GPR176: variants seen among roughly 807,000 people sequenced by gnomAD.
The protein encoded by GPR176 is G-protein coupled receptor 176.
In GPR176, 26 loss-of-function variants were observed where a neutral mutation model predicts 35.4. The observed-to-expected ratio is 0.74, with a 90% confidence interval of 0.54 to 1.02. The LOEUF is 1.02. Ranked by LOEUF, GPR176 falls within the 50% of genes least tolerant of loss-of-function variation. The probability of loss-of-function intolerance (pLI) is 0.00; values close to 1 mark genes in which losing one functional copy is unlikely to be tolerated. For synonymous variants in GPR176, 278 were observed against 271.3 expected (o/e 1.02, Z -0.24); for missense variants, 597 against 665.3 (o/e 0.90, Z 1.13).
chr15:39,889,516 C>T (rs2032789305), intron 1 of GPR176, among the ~76,000 whole-genome samples: 1 of 150,068 alleles, frequency 6.7e-6, no homozygotes, highest in South Asian at 2.1e-4. Flanking sequence ...CATTGCACTC[C>T]AGCCTGGGCA....
chr15:39,856,604 G>C (rs2031237534), intron 1 of GPR176, among the ~76,000 whole-genome samples: 1 of 152,166 alleles, frequency 6.6e-6, no homozygotes, highest in South Asian at 2.1e-4. Flanking sequence ...CTTTTCACAG[G>C]GCTGTCTGAA....
chr15:39,817,125 G>T (rs1316023219), intron 1 of GPR176, among the ~76,000 whole-genome samples: 1 of 146,808 alleles, frequency 6.8e-6, no homozygotes, highest in Non-Finnish European at 1.5e-5. Context: ...GTTCCCAGTA[G>T]GTAGCCAGCA....
chr15:39,859,245 GA>G (rs1461680789), intron 1 of GPR176, among the ~76,000 whole-genome samples: 1 of 151,610 alleles, frequency 6.6e-6, no homozygotes, highest in Non-Finnish European at 1.5e-5. Flanking sequence ...TATATCTGAG[GA>G]AAAAGTAACA....
intron 1 of GPR176, among the ~76,000 whole-genome samples, chr15:39,825,916 G>T (rs1386827719): frequency 6.6e-6 from 1 of 152,132 alleles, no homozygotes; most frequent in African/African-American, 2.4e-5. Flanking sequence ...TAACATTTCT[G>T]AAAAGTAATC....
intron 1 of GPR176, among the ~76,000 whole-genome samples, chr15:39,808,145 C>A (rs1481991378): frequency 1.3e-5 from 2 of 152,202 alleles, no homozygotes; most frequent in Non-Finnish European, 2.9e-5. Context: ...CGTTAGACTA[C>A]CCATTCTGGT....
Position 39,801,686 on chromosome 15 carries a change from T to A in GPR176, c.994A>T (p.Ile332Leu), listed in dbSNP as rs144376803. The change falls in exon 3 of 3, where the codon ATA (isoleucine) becomes TTA (leucine). Residue 332 changes from isoleucine (I) to leucine (L), a missense_variant. Physicochemically the swap from Ile to Leu is conservative, Grantham distance 5 (BLOSUM62 2). Coordinates refer to ENST00000561100, the MANE Select transcript of GPR176 (RefSeq NM_007223.3). ...TVNKSVRKCLIGTLVQLHHRY... is the reference protein window; with the variant it reads ...TVNKSVRKCLLGTLVQLHHRY... ...TGGTGTAGTTGCACCAGGGTCCCTA[T>A]CAAGCACTTGCGGACAGATTTGTTC... The A allele has an allele frequency of 2.4e-5, 39 of 1,613,652 alleles. No individual in the cohort carries two copies. Among genetic ancestry groups the A allele is most frequent in the Non-Finnish European group, 3.0e-5 (35 of 1,179,756 alleles).
intron 1 of GPR176, among the ~76,000 whole-genome samples, chr15:39,830,484 AAAAG>A (rs1181064588): frequency 6.6e-6 from 1 of 152,212 alleles, no homozygotes; most frequent in African/African-American, 2.4e-5. Flanking sequence ...CCAGGCAGAC[AAAAG>A]AGAGAGACAG....
intron 1 of GPR176, among the ~76,000 whole-genome samples, chr15:39,817,768 G>A (rs1306188246): frequency 2.6e-5 from 4 of 152,214 alleles, no homozygotes; most frequent in Non-Finnish European, 5.9e-5. Flanking sequence ...GAAGTCAAAT[G>A]ATACCTGGAG....
intron 1 of GPR176, among the ~76,000 whole-genome samples, chr15:39,829,601 C>CTTATGTTATAAACAT (rs1450855334): frequency 6.7e-6 from 1 of 149,818 alleles, no homozygotes; most frequent in East Asian, 2.0e-4. Context: ...GTTATAAACA[C>CTTATGTTATAAACAT]TTATGTTTAT....
intron 1 of GPR176, among the ~76,000 whole-genome samples, chr15:39,847,759 A>AG (rs1360399239): frequency 6.6e-6 from 1 of 151,332 alleles, no homozygotes; most frequent in Non-Finnish European, 1.5e-5. Flanking sequence ...AAAAAAAAAA[A>AG]AAAAAGAAGT....
chr15:39,884,334 A>G (rs2032590768), intron 1 of GPR176, among the ~76,000 whole-genome samples: 1 of 152,138 alleles, frequency 6.6e-6, no homozygotes, highest in Non-Finnish European at 1.5e-5. Context: ...GAATCTCTCT[A>G]TATCCAAAAT....
chr15:39,838,198 G>T (rs1333217717), intron 1 of GPR176, among the ~76,000 whole-genome samples: 2 of 152,026 alleles, frequency 1.3e-5, no homozygotes, highest in Non-Finnish European at 2.9e-5. Flanking sequence ...ATACTCTAAA[G>T]AATTAAATCT....
chr15:39,854,509 T>C (rs1253197878), intron 1 of GPR176, among the ~76,000 whole-genome samples: 1 of 152,168 alleles, frequency 6.6e-6, no homozygotes, highest in East Asian at 1.9e-4. Context: ...CTGTAGCCAT[T>C]TGTGCTCACT....
At chr15:39,826,625 T>C (rs1012243429) in intron 1 of GPR176, among the ~76,000 whole-genome samples, 3 of 152,260 alleles carry the variant, frequency 2.0e-5, no homozygotes, top group Admixed American at 6.5e-5. Flanking sequence ...TACATTAATG[T>C]AACCTTTTCA....
At chr15:39,900,604 A>T (rs2033248888) in intron 1 of GPR176, among the ~76,000 whole-genome samples, 1 of 152,220 alleles carries the variant, frequency 6.6e-6, no homozygotes, top group Non-Finnish European at 1.5e-5. Context: ...ATTATCCCAA[A>T]GCCAAACAGC....
chr15:39,895,081 G>A (rs1048002310), intron 1 of GPR176, among the ~76,000 whole-genome samples: 2 of 152,256 alleles, frequency 1.3e-5, no homozygotes, highest in Non-Finnish European at 2.9e-5. Context: ...CCAGTCAGGC[G>A]TGGCGGCGCC....
intron 1 of GPR176, among the ~76,000 whole-genome samples, chr15:39,893,257 G>C (rs1018353398): frequency 6.6e-6 from 1 of 152,116 alleles, no homozygotes; most frequent in Non-Finnish European, 1.5e-5. Context: ...GCAGCCTTCC[G>C]CAGTGTTTGT....
chr15:39,897,725 T>C (rs1309937876), intron 1 of GPR176, among the ~76,000 whole-genome samples: 1 of 150,170 alleles, frequency 6.7e-6, no homozygotes, highest in African/African-American at 2.4e-5. Context: ...GCCATTCTCC[T>C]GCCTCAGCCC....
intron 2 of GPR176, among the ~76,000 whole-genome samples, chr15:39,805,029 ATTC>A (rs148802664): frequency 0.012 from 1,779 of 152,332 alleles, 15 homozygotes; most frequent in African/African-American, 0.02. Context: ...TGGCTGTACA[ATTC>A]TATAAATATA....
Sources: allele counts gnomAD v4.1 joint callset (sites outside exome capture counted in the v4.1 genomes callset), GRCh38; gene constraint gnomAD v4.1.1; transcripts MANE v1.5; gene names NCBI Gene and HGNC (gene_info 2026-07-23, HGNC 2026-07-21).